Variants in CLK3 observed in about 807,000 individuals in gnomAD.
CLK3 encodes dual specificity protein kinase CLK3.
A neutral mutation model predicts 65.2 loss-of-function variants in CLK3; 24 were observed. The ratio of observed to expected loss-of-function variants is 0.37; its 90% CI spans 0.27 to 0.52. The LOEUF is 0.52. Among genes scored for constraint, CLK3 ranks in the 20% least tolerant of loss-of-function variants. The pLI is 0.92. For synonymous variants in CLK3, 252 were observed against 240.8 expected, an observed-to-expected ratio of 1.05 and a Z score of -0.43; for missense variants, 506 against 660.0, an observed-to-expected ratio of 0.77 and a Z score of 2.56.
At chr15:74,625,411 C>T (rs1430466090) in intron 6 of CLK3, among the ~76,000 whole-genome samples, 1 of 152,166 alleles carries the variant, frequency 6.6e-6, no homozygotes, top group Non-Finnish European at 1.5e-5. Flanking sequence ...CAGCACAGAC[C>T]CTCACGAAGC....
In CLK3 at chr15:74,620,204, G is replaced by A. The variant is rs1431593872; in HGVS notation, c.348G>A (p.Arg116=). 1 of 1,614,070 alleles carries A rather than the reference G, an allele frequency of 6.2e-7. No individual in the cohort carries two copies. Among genetic ancestry groups the A allele is most frequent in the South Asian group, 1.1e-5 (1 of 91,084 alleles). Reference sequence around the variant, plus strand: ...ACCACTGCCACAAACGCCGCACCAGGTCTTGTAGCAGCGCCTCCTCGGTGA... The same window carrying A: ...ACCACTGCCACAAACGCCGCACCAGATCTTGTAGCAGCGCCTCCTCGGTGA... ...HAHHCHKRRT[R]SCSSASSRSQ... Residue 116 remains arginine, a synonymous_variant, in exon 3 of 13, where the codon AGG becomes AGA. Transcript: ENST00000395066.
intron 1 of CLK3, among the ~76,000 whole-genome samples, chr15:74,617,765 C>T (rs2062072087): frequency 6.6e-6 from 1 of 152,240 alleles, no homozygotes; most frequent in African/African-American, 2.4e-5. Context: ...GCCAATAGAG[C>T]ATCTTCTGGG....
At chr15:74,615,509 C>T, upstream of CLK3, 2 of 1,307,296 alleles carry the variant, frequency 1.5e-6, no homozygotes, top group Non-Finnish European at 9.8e-7. Flanking sequence ...GGGGTCGGGG[C>T]GACGGAGCGG....
At chr15:74,608,521 T>G (rs2061942284) in intron 1 of CLK3, 1 of 152,048 alleles carries the variant, frequency 6.6e-6, no homozygotes, top group Non-Finnish European at 1.5e-5. Flanking sequence ...GATGCCTCTT[T>G]CATGGCTCCC....
rs750940822 is a variant in CLK3 at position 74,622,101 on chromosome 15, C to CG, written c.370-13dup. 8.1e-6 allele frequency: 13 copies of CG among 1,612,608 alleles called. No individual in the cohort carries two copies. Among genetic ancestry groups the CG allele is most frequent in the East Asian group, 2.2e-5 (1 of 44,866 alleles). Reference sequence around the variant, plus strand: ...CCATGCGATTGGTCGGATGGCGTTTCGGGGGGCGGTGCATGCAGAGAAGCC... The same window carrying CG: ...CCATGCGATTGGTCGGATGGCGTTTCGGGGGGGCGGTGCATGCAGAGAAGCC... On this transcript the variant is annotated intron_variant, in intron 3 of 12. Transcript: ENST00000395066. The surrounding 1 kb of genome is among the most constrained non-coding windows in gnomAD (Gnocchi z 4.6).
upstream of CLK3, chr15:74,615,435 T>G (rs1012809976): frequency 5.5e-6 from 7 of 1,269,516 alleles, no homozygotes; most frequent in Admixed American, 1.7e-4. Flanking sequence ...GCTCTCGCGC[T>G]CTCCGGGGCC....
chr15:74,615,506 G>A, upstream of CLK3: 1 of 1,308,824 alleles, frequency 7.6e-7, no homozygotes, highest in Non-Finnish European at 9.7e-7. Context: ...CGCGGGGTCG[G>A]GGCGACGGAG....
chr15:74,629,140 C>G (rs1666359865), intron 12 of CLK3, 108 bp downstream of exon 12: 1 of 871,242 alleles, frequency 1.1e-6, no homozygotes, highest in African/African-American at 1.6e-5. Context: ...CCTCCTTGAT[C>G]CAGCTCTATG....
Position 74,625,029 on chromosome 15 carries a change from G to T in CLK3, c.650+11G>T. On this transcript the variant is annotated intron_variant, in intron 6 of 12. Transcript: ENST00000395066. ...CAAAGAAAACAAGTTGTGAGTATCTGCAAGGAGTGGGAGGGAAGCCTTCAG... is the reference window on the plus strand; with the variant it reads ...CAAAGAAAACAAGTTGTGAGTATCTTCAAGGAGTGGGAGGGAAGCCTTCAG... 6.3e-7 allele frequency: 1 copy of T among 1,597,136 alleles called. No homozygotes were observed.
intron 1 of CLK3, among the ~76,000 whole-genome samples, chr15:74,617,458 C>G (rs1326300204): frequency 2.6e-5 from 4 of 152,244 alleles, no homozygotes; most frequent in Non-Finnish European, 5.9e-5. Context: ...CTCACAGAAC[C>G]TTGTAAGAGA....
Position 74,628,039 on chromosome 15 carries a change from T to C in CLK3, c.1112T>C (p.Phe371Ser). The stretch of plus-strand genomic sequence containing the variant: ...ATTCTCTTTGAGTACTACCGGGGCT[T>C]CACACTCTTCCAGGTACAGCCACCC... ...GCILFEYYRG[F>S]TLFQTHENRE... The change falls in exon 10 of 13, where the codon TTC (phenylalanine) becomes TCC (serine). Residue 371 changes from phenylalanine to serine, a missense_variant. Around this residue, in one of 2 missense-constraint regions of CLK3, gnomAD observed 325 missense variants for 500.5 expected, o/e 0.65. Coordinates refer to ENST00000395066, the MANE Select transcript of CLK3 (RefSeq NM_001130028.2). 1 of 1,611,708 alleles carries C rather than the reference T, an allele frequency of 6.2e-7. No individual in the cohort carries two copies. Among genetic ancestry groups the C allele is most frequent in the Non-Finnish European group, 8.5e-7 (1 of 1,177,762 alleles).
Position 74,621,883 on chromosome 15 carries a change from C to T in CLK3, c.370-237C>T. ...CCGAGTTTTCTTTACATACCTGTAGCTGTTTTTACTTTTCTGTTTTTGAAG... is the reference window on the plus strand; with the variant it reads ...CCGAGTTTTCTTTACATACCTGTAGTTGTTTTTACTTTTCTGTTTTTGAAG... On this transcript the variant is annotated intron_variant, in intron 3 of 12. Coordinates refer to ENST00000395066, the MANE Select transcript of CLK3 (RefSeq NM_001130028.2). This position sits in a 1 kb window ranked among gnomAD's most constrained non-coding sequence, Gnocchi z 4.8. The T allele has an allele frequency of 1.8e-6, 1 of 562,830 alleles. No individual in the cohort carries two copies. The highest frequency in any genetic ancestry group is 1.6e-5 in the South Asian group (1 of 61,258). 34.9% of individuals were successfully genotyped at this position (562,830 alleles called of 1,614,324 possible).
upstream of CLK3, chr15:74,613,572 G>A (rs1417845910): frequency 2.0e-5 from 3 of 152,236 alleles, no homozygotes; most frequent in Non-Finnish European, 2.9e-5. Context: ...CAGAAAAAGA[G>A]AGTTGCTTCG....
chr15:74,614,337 AG>A (rs2062027924), upstream of CLK3, among the ~76,000 whole-genome samples: 1 of 152,088 alleles, frequency 6.6e-6, no homozygotes, highest in Non-Finnish European at 1.5e-5. Context: ...TTTTTGAGAC[AG>A]GGTCTCCTTC....
rs899677680 is a variant in CLK3, at chr15:74,619,320, C to T, written c.124C>T (p.Pro42Ser). The T allele has an allele frequency of 6.2e-7, 1 of 1,614,078 alleles. No individual in the cohort carries two copies. Among genetic ancestry groups the T allele is most frequent in the Non-Finnish European group, 8.5e-7 (1 of 1,179,960 alleles). ...GRLRYPSRRE[P>S]PPRRSRSRSH... Reference sequence around the variant, plus strand: ...ACTGCGATACCCGTCCCGAAGGGAGCCTCCCCCACGAAGATCTCGGTCCAG... The same window carrying T: ...ACTGCGATACCCGTCCCGAAGGGAGTCTCCCCCACGAAGATCTCGGTCCAG... The change falls in exon 2 of 13, where the codon CCT becomes TCT. Residue 42 changes from proline to serine, a missense_variant. Pro to Ser is a moderately conservative substitution (Grantham distance 74). This residue lies in a region of CLK3 where 181 missense variants were observed against 159.4 expected (regional missense o/e 1.14). Transcript: ENST00000395066.
chr15:74,628,191 C>A (rs11072496), intron 10 of CLK3, 139 bp downstream of exon 10: 1 of 679,136 alleles, frequency 1.5e-6, no homozygotes, highest in African/African-American at 1.8e-5. Context: ...AGATTCAGAC[C>A]CTTTAAGGAT....
chr15:74,627,395 G>A lies in CLK3; in HGVS notation c.861G>A (p.Glu287=), dbSNP rs1468423278. 5.0e-6 allele frequency: 8 copies of A among 1,614,046 alleles called. No individual in the cohort carries two copies. Among genetic ancestry groups the A allele is most frequent in the Non-Finnish European group, 5.9e-6 (7 of 1,180,034 alleles). The change falls in exon 8 of 13, where the codon GAG becomes GAA. Residue 287 remains glutamate (E), a synonymous_variant. Coordinates refer to ENST00000395066, the MANE Select transcript of CLK3 (RefSeq NM_001130028.2). This position sits in a 1 kb window ranked among gnomAD's most constrained non-coding sequence, Gnocchi z 4.3. ...NQLTHTDLKP[E]NILFVNSEFE... is the part of the protein sequence containing the mutation. ...TGACCCATACAGACTTGAAACCAGA[G>A]AACATCCTGTTTGTGAATTCTGAGT...
chr15:74,625,887 T>C lies in CLK3; in HGVS notation c.736T>C (p.Phe246Leu). The change falls in exon 7 of 13, where the codon TTC becomes CTC. Residue 246 changes from phenylalanine (F) to leucine (L), a missense_variant. Physicochemically the swap from Phe to Leu is conservative, Grantham distance 22 (BLOSUM62 0). Coordinates refer to ENST00000395066, the MANE Select transcript of CLK3 (RefSeq NM_001130028.2). The part of the protein sequence containing the change: ...FELLGKNTFE[F>L]LKENNFQPYP... Reference sequence around the variant, plus strand: ...GCTCCTGGGCAAGAACACCTTTGAGTTCCTGAAGGAGAATAACTTCCAGCC... The same window carrying C: ...GCTCCTGGGCAAGAACACCTTTGAGCTCCTGAAGGAGAATAACTTCCAGCC... 6.2e-7 allele frequency: 1 copy of C among 1,614,184 alleles called. No individual in the cohort carries two copies. The highest frequency in any genetic ancestry group is 1.1e-5 in the South Asian group (1 of 91,092).
chr15:74,620,721 A>T (rs1308503778), intron 3 of CLK3: 1 of 156,138 alleles, frequency 6.4e-6, no homozygotes, highest in Non-Finnish European at 1.4e-5. Flanking sequence ...AGTGCCTCAC[A>T]GGACCGGAGG....
Sources: allele counts gnomAD v4.1 joint callset (sites outside exome capture counted in the v4.1 genomes callset), GRCh38; gene constraint gnomAD v4.1.1; regional missense constraint gnomAD v4.1.1; non-coding constraint Gnocchi (gnomAD v3.1); transcripts MANE v1.5; gene names NCBI Gene and HGNC (gene_info 2026-07-23, HGNC 2026-07-21).